Variants in RABEP1 observed in about 807,000 individuals in gnomAD.
The protein encoded by RABEP1 is rab GTPase-binding effector protein 1.
RABEP1 carries 51 observed loss-of-function variants against 123.4 expected under a neutral mutation model. The observed-to-expected ratio is 0.41, with a 90% CI of 0.33 to 0.52. The LOEUF (loss-of-function observed/expected upper bound fraction) is 0.52. Ranked by LOEUF, RABEP1 falls within the 20% of genes least tolerant of loss-of-function variation. The pLI, the probability that RABEP1 is intolerant of heterozygous loss-of-function variation, is 0.16. For missense variants in RABEP1, 888 were observed against 996.3 expected (o/e 0.89, Z 1.46); for synonymous variants, 347 against 355.2 (o/e 0.98, Z 0.26).
intron 7 of RABEP1, among the ~76,000 whole-genome samples, chr17:5,351,215 G>C (rs9915496): frequency 0.023 from 3,454 of 152,182 alleles, 126 homozygotes; most frequent in African/African-American, 0.079. Flanking sequence ...CAGGTGTTCA[G>C]AGCACTGCAT....
At chr17:5,369,846 A>G (rs1418726940) in intron 12 of RABEP1, among the ~76,000 whole-genome samples, 1 of 151,948 alleles carries the variant, frequency 6.6e-6, no homozygotes, top group East Asian at 1.9e-4. Context: ...GATTACAGGC[A>G]TGCACCACCA....
At chr17:5,360,029 A>G (rs189550224) in intron 8 of RABEP1, among the ~76,000 whole-genome samples, 259 of 152,338 alleles carry the variant, frequency 1.7e-3, no homozygotes, top group Admixed American at 3.3e-3. Context: ...ATATATACAC[A>G]AATGTTTTTA....
chr17:5,289,794 AC>A (rs1299453759), intron 1 of RABEP1, among the ~76,000 whole-genome samples: 1 of 152,180 alleles, frequency 6.6e-6, no homozygotes, highest in Non-Finnish European at 1.5e-5. Flanking sequence ...GTAAATTATA[AC>A]TTGGTAAATC....
chr17:5,374,951 A>AT lies in RABEP1; in HGVS notation c.2025+1502dup, dbSNP rs1009405010. On this transcript the variant is annotated intron_variant, in intron 13 of 17. Coordinates refer to ENST00000537505, the MANE Select transcript of RABEP1 (RefSeq NM_004703.6). The stretch of plus-strand genomic sequence containing the variant: ...GCCACCGCACCTGGCCTTTTTTTGT[A>AT]TTTTTAGTAGAGATGCGGTTTCGCC... 3.2e-4 allele frequency among the ~76,000 whole-genome samples: 48 copies of AT among 151,550 alleles called. 1 individual carries two copies. Among genetic ancestry groups the AT allele is most frequent in the Admixed American group, 2.7e-3 (41 of 15,232 alleles).
intron 2 of RABEP1, among the ~76,000 whole-genome samples, chr17:5,310,835 A>T (rs1249243340): frequency 1.3e-4 from 19 of 143,554 alleles, no homozygotes; most frequent in African/African-American, 5.0e-4. Context: ...TTTGAGACCG[A>T]GTCTCGCTGT....
In RABEP1 at chr17:5,350,471, G is replaced by A. The variant is rs2144647481; in HGVS notation, c.805G>A (p.Glu269Lys). 1 of 1,613,512 alleles carries A rather than the reference G, an allele frequency of 6.2e-7. No individual in the cohort carries two copies. Among genetic ancestry groups the A allele is most frequent in the East Asian group, 2.2e-5 (1 of 44,874 alleles). The change falls in exon 7 of 18, where the codon GAG (glutamate) becomes AAG (lysine). Residue 269 changes from glutamate to lysine, a missense_variant. Coordinates refer to ENST00000537505, the MANE Select transcript of RABEP1 (RefSeq NM_004703.6). ...LHEVCHLLEQERQQHNQLKHT... is the reference protein window; with the variant it reads ...LHEVCHLLEQKRQQHNQLKHT... Reference sequence around the variant, plus strand: ...AACAGTTTGCCATCTCTTGGAGCAAGAGCGACAACAACACAACCAGTTAAA... The same window carrying A: ...AACAGTTTGCCATCTCTTGGAGCAAAAGCGACAACAACACAACCAGTTAAA...
At chr17:5,349,334 C>T (rs1353316372) in intron 6 of RABEP1, among the ~76,000 whole-genome samples, 2 of 152,146 alleles carry the variant, frequency 1.3e-5, no homozygotes, top group Non-Finnish European at 2.9e-5. Context: ...AGGCAGAAGC[C>T]AGAAGATAGA....
At chr17:5,350,717 G>T in intron 7 of RABEP1, 88 bp downstream of exon 7, 1 of 1,382,930 alleles carries the variant, frequency 7.2e-7, no homozygotes, top group South Asian at 1.3e-5. Context: ...ATTAGAGACT[G>T]ACTTAAGCTG....
Position 5,310,301 on chromosome 17 carries a change from C to CTTTTTTTTTTTTTTTTTTTTTTTTTTT in RABEP1, c.163+1497_163+1498insTTTTTTTTTTTTTTTTTTTTTTTTTTT, listed in dbSNP as rs11432831. On this transcript the variant is annotated intron_variant, in intron 2 of 17. Transcript: ENST00000537505. The stretch of plus-strand genomic sequence containing the variant: ...TTACAATTTAAATGAAAGCTTCGTC[C>CTTTTTTTTTTTTTTTTTTTTTTTTTTT]TTTTTTTTTTTTTTTTTTGAGATGG... 1.7e-4 allele frequency among the ~76,000 whole-genome samples: 21 copies of CTTTTTTTTTTTTTTTTTTTTTTTTTTT among 126,414 alleles called. 5 individuals carry two copies. Among genetic ancestry groups the CTTTTTTTTTTTTTTTTTTTTTTTTTTT allele is most frequent in the Middle Eastern group, 4.4e-3 (1 of 228 alleles). The allele number at this position is 126,414 out of a possible 152,430, so 82.9% of individuals were successfully genotyped here.
rs1168435537 is a variant in RABEP1, at chr17:5,361,512, T to C, written c.1400T>C (p.Met467Thr). 1.9e-6 allele frequency: 3 copies of C among 1,614,088 alleles called. No homozygotes were observed. Among genetic ancestry groups the C allele is most frequent in the Non-Finnish European group, 1.7e-6 (2 of 1,180,050 alleles). ...LGSLQMPSGF[M>T]LTKDQERAIK... is the part of the protein sequence containing the mutation. ...TCACTCCAGATGCCAAGTGGGTTTA[T>C]GTTAACCAAAGATCAGGAAAGAGCA... Residue 467 changes from methionine (M) to threonine (T), a missense_variant, in exon 9 of 18, where the codon ATG becomes ACG. Coordinates refer to ENST00000537505, the MANE Select transcript of RABEP1 (RefSeq NM_004703.6).
intron 8 of RABEP1, 38 bp downstream of exon 8, chr17:5,354,528 A>G (rs760028392): frequency 5.8e-6 from 9 of 1,560,832 alleles, no homozygotes; most frequent in Middle Eastern, 2.1e-4. Context: ...TAAATACACA[A>G]TGTCAACAAT....
intron 2 of RABEP1, among the ~76,000 whole-genome samples, chr17:5,316,853 A>G (rs1308303130): frequency 6.0e-5 from 9 of 149,796 alleles, no homozygotes; most frequent in Admixed American, 1.3e-4. Context: ...AAAAAAAAAA[A>G]AAATATAAGA....
chr17:5,366,202 T>C (rs1909985665), intron 11 of RABEP1, among the ~76,000 whole-genome samples: 1 of 152,222 alleles, frequency 6.6e-6, no homozygotes. Flanking sequence ...GGTATTTCAC[T>C]GTGGCTTAGT....
chr17:5,325,540 A>C (rs1905885945), intron 2 of RABEP1, among the ~76,000 whole-genome samples: 2 of 152,078 alleles, frequency 1.3e-5, no homozygotes, highest in African/African-American at 4.8e-5. Context: ...GTCTGGGGAG[A>C]TGAAGAGAAG....
intron 1 of RABEP1, among the ~76,000 whole-genome samples, chr17:5,286,159 A>G (rs571965041): frequency 3.3e-5 from 5 of 152,260 alleles, no homozygotes; most frequent in African/African-American, 1.2e-4. Flanking sequence ...CAAGCTCTGG[A>G]TGATGTCATT....
At position 5,365,169 on chromosome 17, in the gene RABEP1, G is replaced by C. The variant is rs1243931406; in HGVS notation, c.1716G>C (p.Glu572Asp). 1 of 1,611,374 alleles carries C rather than the reference G, an allele frequency of 6.2e-7. No homozygotes were observed. Among genetic ancestry groups the C allele is most frequent in the African/African-American group, 1.3e-5 (1 of 74,764 alleles). ...LMLRQANDQL[E>D]KTMKDKQELE... ...TAAGGCAAGCTAATGACCAGTTAGA[G>C]AAGACAATGAAAGATAAGCAGGAGC... Residue 572 changes from glutamate (E) to aspartate (D), a missense_variant, in exon 11 of 18, where the codon GAG becomes GAC. Coordinates refer to ENST00000537505, the MANE Select transcript of RABEP1 (RefSeq NM_004703.6).
At chr17:5,342,290 C>T (rs1907683254) in intron 5 of RABEP1, among the ~76,000 whole-genome samples, 1 of 152,078 alleles carries the variant, frequency 6.6e-6, no homozygotes, top group Admixed American at 6.6e-5. Flanking sequence ...GGGCAGGGTC[C>T]TTATAGACTA....
At position 5,299,929 on chromosome 17, in the gene RABEP1, C is replaced by T. The variant is rs567584651; in HGVS notation, c.35-8765C>T. 3.3e-5 allele frequency among the ~76,000 whole-genome samples: 5 copies of T among 151,778 alleles called. No individual in the cohort carries two copies. The South Asian group carries it at 6.3e-4, about 19-fold the overall frequency. ...ATTTTTAGTAGAGATGGGGTTTCAC[C>T]ATGTGTGCCAGGATGCTCTTGATCT... On this transcript the variant is annotated intron_variant, in intron 1 of 17. Transcript: ENST00000537505.
Position 5,384,768 on chromosome 17 carries a change from T to TGG in RABEP1, c.*1545_*1546insGG, listed in dbSNP as rs1911805135. 8.8e-6 allele frequency: 1 copy of TGG among 113,008 alleles called. No individual in the cohort carries two copies. Among genetic ancestry groups the TGG allele is most frequent in the Non-Finnish European group, 1.6e-5 (1 of 63,488 alleles). The allele number at this position is 113,008 out of a possible 1,614,324, so 7.0% of individuals were successfully genotyped here. A position where few individuals can be genotyped will look rare whatever the true frequency, so the allele number is the denominator to read the frequency against. On this transcript the variant is annotated 3_prime_UTR_variant, in exon 18 of 18. Coordinates refer to ENST00000537505, the MANE Select transcript of RABEP1 (RefSeq NM_004703.6). ...GGCTTGCCGCACATGAAACATTATT[T>TGG]TAATTGGTTTAAAGTCCCTTTATAA...
Sources: gnomAD v4.1 joint callset for allele counts (sites outside exome capture counted in the v4.1 genomes callset) on GRCh38, gnomAD v4.1.1 for gene constraint, MANE v1.5 for transcripts, NCBI Gene and HGNC (gene_info 2026-07-23, HGNC 2026-07-21) for gene names.